SUFU: variants seen among roughly 807,000 people sequenced by gnomAD.
SUFU encodes the protein suppressor of fused homolog.
A neutral mutation model predicts 58.9 loss-of-function variants in SUFU; 7 were observed. The ratio of observed to expected loss-of-function variants is 0.12; its 90% CI spans 0.07 to 0.22. SUFU has a LOEUF of 0.22. Ranked by LOEUF, SUFU falls within the 10% of genes least tolerant of loss-of-function variation. The probability of loss-of-function intolerance (pLI) is 1.00; values close to 1 mark genes in which losing one functional copy is unlikely to be tolerated. For missense variants in SUFU, 451 were observed against 641.3 expected (o/e 0.70, Z 3.20); for synonymous variants, 232 against 254.8 (o/e 0.91, Z 0.85).
chr10:102,547,345 G>A (rs761887370), intron 2 of SUFU, among the ~76,000 whole-genome samples: 4 of 152,172 alleles, frequency 2.6e-5, no homozygotes, highest in Non-Finnish European at 5.9e-5. Context: ...CCCTCAGCCT[G>A]CCTGCACTGA....
chr10:102,518,423 A>G (rs1255618497), intron 2 of SUFU, among the ~76,000 whole-genome samples: 7 of 152,172 alleles, frequency 4.6e-5, no homozygotes, highest in Non-Finnish European at 8.8e-5. Context: ...AATGGAATGA[A>G]ATGATCAAGA....
intron 9 of SUFU, among the ~76,000 whole-genome samples, chr10:102,615,719 A>T (rs1292961053): frequency 6.6e-6 from 1 of 152,028 alleles, no homozygotes; most frequent in African/African-American, 2.4e-5. Flanking sequence ...TCCTTGCCCA[A>T]CCCTCTGGCT....
chr10:102,620,463 AG>A (rs1199827146), intron 10 of SUFU, among the ~76,000 whole-genome samples: 3 of 152,210 alleles, frequency 2.0e-5, no homozygotes, highest in Non-Finnish European at 4.4e-5. Context: ...GTGGCAAAGC[AG>A]GGCTTGTCTG....
At chr10:102,568,931 T>TACAC (rs1564685729) in intron 3 of SUFU, among the ~76,000 whole-genome samples, 13 of 34,052 alleles carry the variant, frequency 3.8e-4, no homozygotes, top group South Asian at 3.4e-3. Flanking sequence ...CACATATATA[T>TACAC]ATATATATAT....
chr10:102,616,156 G>A lies in SUFU; in HGVS notation c.1157+754G>A, dbSNP rs2063685172. 2.0e-5 allele frequency among the ~76,000 whole-genome samples: 3 copies of A among 152,264 alleles called. No homozygotes were observed. The South Asian group carries it at 6.2e-4, about 32-fold the overall frequency. ...AGCAAACTCCTTGAGGGACCAGGAA[G>A]CCCAGCTGTGTCCCTTCTGCTTCTG... On this transcript the variant is annotated intron_variant, in intron 9 of 11. Transcript: ENST00000369902.
intron 10 of SUFU, among the ~76,000 whole-genome samples, chr10:102,626,024 A>G (rs1487677124): frequency 2.0e-5 from 3 of 152,060 alleles, no homozygotes; most frequent in Non-Finnish European, 4.4e-5. Flanking sequence ...TCACCCCATT[A>G]TCTTTCTTCC....
At chr10:102,522,346 G>A (rs2062560581) in intron 2 of SUFU, among the ~76,000 whole-genome samples, 1 of 152,196 alleles carries the variant, frequency 6.6e-6, no homozygotes, top group African/African-American at 2.4e-5. Context: ...GAGGGGTTGT[G>A]TTCTTCCAGT....
At position 102,531,406 on chromosome 10, in the gene SUFU, TCCCATCG is replaced by T. The variant is rs1350304607; in HGVS notation, c.318-18559_318-18553del. 2.0e-5 allele frequency among the ~76,000 whole-genome samples: 3 copies of T among 152,306 alleles called. No individual in the cohort carries two copies. The South Asian group carries it at 6.2e-4, about 32-fold the overall frequency. ...TGCAGGACTGGTTCAGCCTCATTAC[TCCCATCG>T]CCCAGCCTTTGTAGTCCCAACTGGC... On this transcript the variant is annotated intron_variant, in intron 2 of 11. Coordinates refer to ENST00000369902, the MANE Select transcript of SUFU (RefSeq NM_016169.4).
intron 2 of SUFU, among the ~76,000 whole-genome samples, chr10:102,533,718 A>C (rs1046847091): frequency 6.6e-6 from 1 of 152,210 alleles, no homozygotes; most frequent in Non-Finnish European, 1.5e-5. Flanking sequence ...CATCTCTCTG[A>C]TCTTTTACCT....
intron 2 of SUFU, among the ~76,000 whole-genome samples, chr10:102,529,020 T>G (rs1536308): frequency 0.31 from 45,106 of 145,486 alleles, 7,243 homozygotes; most frequent in Admixed American, 0.36. Context: ...GATTTATGGG[T>G]TTTTTTTCTA....
chr10:102,527,511 A>ATATATATT (rs1386503061), intron 2 of SUFU, among the ~76,000 whole-genome samples: 3 of 151,322 alleles, frequency 2.0e-5, no homozygotes, highest in African/African-American at 7.3e-5. Context: ...ATATATATAT[A>ATATATATT]TATGTATATT....
At chr10:102,595,904 A>G (rs938868319) in intron 6 of SUFU, among the ~76,000 whole-genome samples, 4 of 152,172 alleles carry the variant, frequency 2.6e-5, no homozygotes, top group African/African-American at 7.2e-5. Flanking sequence ...AGCCCAGACA[A>G]GTTGAGCCAA....
At chr10:102,520,364 C>T (rs926552577) in intron 2 of SUFU, among the ~76,000 whole-genome samples, 1 of 151,338 alleles carries the variant, frequency 6.6e-6, no homozygotes, top group Non-Finnish European at 1.5e-5. Context: ...ACTACAGGCA[C>T]CCGCCACCAC....
At chr10:102,532,788 A>T (rs962859152) in intron 2 of SUFU, among the ~76,000 whole-genome samples, 4 of 152,134 alleles carry the variant, frequency 2.6e-5, no homozygotes, top group Non-Finnish European at 5.9e-5. Flanking sequence ...AAGGCAGAGG[A>T]GGTATAGGAC....
intron 3 of SUFU, among the ~76,000 whole-genome samples, chr10:102,559,877 T>A (rs1045781618): frequency 1.3e-5 from 2 of 152,200 alleles, no homozygotes; most frequent in Admixed American, 1.3e-4. Flanking sequence ...TCCCCAACCT[T>A]GTAACTGACA....
chr10:102,504,916 G>A (rs2062305455), intron 1 of SUFU, among the ~76,000 whole-genome samples: 1 of 152,166 alleles, frequency 6.6e-6, no homozygotes, highest in Non-Finnish European at 1.5e-5. Context: ...CTCAGACGTC[G>A]TATCAGGGCA....
At chr10:102,502,956 C>G (rs2062270252), upstream of SUFU, among the ~76,000 whole-genome samples, 1 of 152,178 alleles carries the variant, frequency 6.6e-6, no homozygotes, top group Non-Finnish European at 1.5e-5. Flanking sequence ...GATCTGTAGT[C>G]CCTTTGAAGG....
intron 2 of SUFU, among the ~76,000 whole-genome samples, chr10:102,527,975 C>G (rs1223890878): frequency 1.3e-5 from 2 of 152,140 alleles, no homozygotes; most frequent in African/African-American, 4.8e-5. Context: ...ATTGGCCTAG[C>G]CTGTCTTTTT....
chr10:102,616,136 A>G (rs1230565712), intron 9 of SUFU, among the ~76,000 whole-genome samples: 1 of 151,960 alleles, frequency 6.6e-6, no homozygotes, highest in East Asian at 1.9e-4. Context: ...AGCCCAGCAA[A>G]CTCCTTGAGG....
Sources: gnomAD v4.1 joint callset for allele counts (sites outside exome capture counted in the v4.1 genomes callset) on GRCh38, gnomAD v4.1.1 for gene constraint, MANE v1.5 for transcripts, NCBI Gene and HGNC (gene_info 2026-07-23, HGNC 2026-07-21) for gene names.